KNTC1: variants seen among roughly 807,000 people sequenced by gnomAD.
The protein encoded by KNTC1 is kinetochore associated 1.
In KNTC1, 253 loss-of-function variants were observed where a neutral mutation model predicts 314.4. That is an observed-to-expected ratio of 0.80 (90% CI 0.73 to 0.89). The LOEUF (loss-of-function observed/expected upper bound fraction) is 0.89, where lower values mean the gene tolerates loss of function less well. Ranked by LOEUF, KNTC1 falls within the 40% of genes least tolerant of loss-of-function variation. The pLI is 0.00. For synonymous variants in KNTC1, 901 were observed against 901.4 expected, an observed-to-expected ratio of 1.00 and a Z score of 0.01; for missense variants, 2,475 against 2,572.9, an observed-to-expected ratio of 0.96 and a Z score of 0.82.
chr12:122,613,448 T>C, intron 54 of KNTC1, 178 bp from the exon 55 acceptor site: 1 of 666,406 alleles, frequency 1.5e-6, no homozygotes, highest in South Asian at 2.2e-5. Flanking sequence ...ACTGAATGTT[T>C]TATTTATCTT....
intron 44 of KNTC1, among the ~76,000 whole-genome samples, chr12:122,599,856 A>G (rs1331238209): frequency 6.6e-6 from 1 of 152,126 alleles, no homozygotes; most frequent in Non-Finnish European, 1.5e-5. Context: ...GTCACTACAA[A>G]AAATTTTTTT....
intron 31 of KNTC1, among the ~76,000 whole-genome samples, chr12:122,579,286 G>A (rs916401508): frequency 6.6e-6 from 1 of 150,984 alleles, no homozygotes; most frequent in Non-Finnish European, 1.5e-5. Context: ...GGATGGTCTC[G>A]ATCTCCTGAC....
chr12:122,622,580 T>C lies in KNTC1; in HGVS notation c.6488T>C (p.Leu2163Pro). 6.4e-7 allele frequency: 1 copy of C among 1,552,928 alleles called. No homozygotes were observed. Among genetic ancestry groups the C allele is most frequent in the South Asian group, 1.2e-5 (1 of 81,786 alleles). The change falls in exon 62 of 64, where the codon CTA becomes CCA. Residue 2163 changes from leucine to proline, a missense_variant. Coordinates refer to ENST00000333479, the MANE Select transcript of KNTC1 (RefSeq NM_014708.6). ...HAMNTNNITE[L>P]VNYLANDLSL... Reference sequence around the variant, plus strand: ...ATGAATACCAACAATATCACTGAGCTAGTGAACTATTTGGCAAATGACTTA... The same window carrying C: ...ATGAATACCAACAATATCACTGAGCCAGTGAACTATTTGGCAAATGACTTA...
intron 2 of KNTC1, among the ~76,000 whole-genome samples, chr12:122,531,847 C>A (rs888038277): frequency 1.3e-5 from 2 of 151,892 alleles, no homozygotes; most frequent in African/African-American, 4.8e-5. Flanking sequence ...CATTCTCCTG[C>A]CTCAGCCTCT....
chr12:122,555,368 A>G (rs1242602820), intron 16 of KNTC1, among the ~76,000 whole-genome samples: 3 of 152,292 alleles, frequency 2.0e-5, no homozygotes, highest in Middle Eastern at 6.8e-3. Context: ...CCTGGCCCAC[A>G]TAGCAAAACG....
rs181308576 is a variant in KNTC1 at position 122,620,390 on chromosome 12, G to A, written c.6150-89G>A. 73 of 1,223,284 alleles carry A rather than the reference G, an allele frequency of 6.0e-5. No individual in the cohort carries two copies. The African/African-American group carries it at 1.0e-3, about 17-fold the overall frequency. 75.8% of individuals were successfully genotyped at this position (1,223,284 alleles called of 1,614,324 possible). On this transcript the variant is annotated intron_variant, in intron 59 of 63. Transcript: ENST00000333479. ...AGTGTTTAAAATTATTGAAAACTTG[G>A]ACAGGCAGATGACTATGGAAAGCTA...
At chr12:122,577,908 C>A (rs894623666) in intron 31 of KNTC1, 117 bp downstream of exon 31, 4 of 900,704 alleles carry the variant, frequency 4.4e-6, no homozygotes, top group Non-Finnish European at 6.1e-6. Flanking sequence ...GCTAGGGTGG[C>A]CTAGTGAAAA....
chr12:122,603,714 A>G (rs184460174), intron 48 of KNTC1, among the ~76,000 whole-genome samples: 2 of 152,146 alleles, frequency 1.3e-5, no homozygotes, highest in Non-Finnish European at 2.9e-5. Flanking sequence ...GATGATCTCG[A>G]TCTCTTGACC....
chr12:122,598,024 A>G (rs1373194808), intron 44 of KNTC1, 86 bp downstream of exon 44: 4 of 925,716 alleles, frequency 4.3e-6, no homozygotes, highest in East Asian at 5.0e-5. Context: ...AATTGGATGT[A>G]TAAGTCTATA....
intron 34 of KNTC1, 109 bp from the exon 35 acceptor site, chr12:122,584,169 A>T: frequency 1.3e-6 from 1 of 797,044 alleles, no homozygotes. Context: ...AGAACATTTA[A>T]AAGACATTTA....
chr12:122,614,203 T>C (rs1303950141), intron 55 of KNTC1, among the ~76,000 whole-genome samples: 1 of 152,156 alleles, frequency 6.6e-6, no homozygotes, highest in Non-Finnish European at 1.5e-5. Context: ...AGCGTGTGGA[T>C]GGATAAGGCA....
intron 40 of KNTC1, among the ~76,000 whole-genome samples, chr12:122,589,477 T>G (rs1319992748): frequency 6.6e-6 from 1 of 150,742 alleles, no homozygotes; most frequent in Non-Finnish European, 1.5e-5. Flanking sequence ...TTGTGTTTTT[T>G]TTTTTTTTTT....
At chr12:122,599,400 G>A (rs772099430) in intron 44 of KNTC1, among the ~76,000 whole-genome samples, 2 of 150,170 alleles carry the variant, frequency 1.3e-5, no homozygotes, top group Non-Finnish European at 3.0e-5. Flanking sequence ...TGCTCTTGTT[G>A]TCCAGGCTGG....
intron 2 of KNTC1, among the ~76,000 whole-genome samples, chr12:122,531,773 G>A (rs1306723567): frequency 6.6e-6 from 1 of 151,728 alleles, no homozygotes; most frequent in East Asian, 1.9e-4. Context: ...TTGCTCTGTC[G>A]CCCAGGCTGG....
intron 20 of KNTC1, among the ~76,000 whole-genome samples, chr12:122,565,426 G>A (rs1964266614): frequency 6.6e-6 from 1 of 151,246 alleles, no homozygotes; most frequent in East Asian, 1.9e-4. Flanking sequence ...GGACCGAGTT[G>A]TTCTTTTCAA....
intron 32 of KNTC1, among the ~76,000 whole-genome samples, 191 bp from the exon 33 acceptor site, chr12:122,580,412 C>A (rs559671925): frequency 3.3e-5 from 5 of 152,206 alleles, no homozygotes; most frequent in African/African-American, 9.6e-5. Context: ...CTGTTTTCTA[C>A]CTCCTGAAAG....
chr12:122,559,735 C>G (rs1468790619), intron 18 of KNTC1, among the ~76,000 whole-genome samples: 4 of 152,056 alleles, frequency 2.6e-5, no homozygotes, highest in Non-Finnish European at 5.9e-5. Flanking sequence ...GCCACCACAC[C>G]TGGCTAATTT....
intron 60 of KNTC1, 54 bp from the exon 61 acceptor site, chr12:122,621,827 T>C (rs962088713): frequency 1.7e-6 from 2 of 1,165,190 alleles, no homozygotes; most frequent in East Asian, 2.6e-5. Context: ...CGGCTCTTGC[T>C]GTTGGAATAA....
At chr12:122,534,547 A>G (rs1961631424) in intron 2 of KNTC1, 117 bp from the exon 3 acceptor site, 5 of 960,930 alleles carry the variant, frequency 5.2e-6, no homozygotes, top group African/African-American at 1.7e-5. Context: ...GGGCTAAAGA[A>G]AAAAAGCCTG....
Sources: gnomAD v4.1 joint callset for allele counts (sites outside exome capture counted in the v4.1 genomes callset) on GRCh38, gnomAD v4.1.1 for gene constraint, MANE v1.5 for transcripts, NCBI Gene and HGNC (gene_info 2026-07-23, HGNC 2026-07-21) for gene names.